The following LOXHD1 variants were observed in gnomAD, a reference collection of about 807,000 sequenced individuals.
The protein encoded by LOXHD1 is lipoxygenase homology PLAT domains 1.
In LOXHD1, 205 loss-of-function variants were observed where a neutral mutation model predicts 248.2. The ratio of observed to expected loss-of-function variants is 0.83; its 90% CI spans 0.74 to 0.93. The LOEUF is 0.93. LOXHD1 is among the 40% of genes least tolerant of loss of function. LOXHD1 has a pLI of 0.00. For synonymous variants in LOXHD1, 1,113 were observed against 1,162.8 expected, an observed-to-expected ratio of 0.96 and a Z score of 0.87; for missense variants, 2,930 against 2,971.6, an observed-to-expected ratio of 0.99 and a Z score of 0.33.
Position 46,518,251 on chromosome 18 carries a change from G to C in LOXHD1, c.5277C>G (p.Leu1759=). The C allele has an allele frequency of 6.4e-7, 1 of 1,551,534 alleles. No homozygotes were observed. The highest frequency in any genetic ancestry group is 8.7e-7 in the Non-Finnish European group (1 of 1,146,838). The change falls in exon 34 of 41, where the codon CTC becomes CTG. Residue 1759 remains leucine (L), a synonymous_variant. Transcript: ENST00000642948. The part of the protein sequence containing the change: ...AMVVNIGVKV[L]YEMTVWTGDV... ...CCCCTGTCCACACCGTCATTTCATA[G>C]AGAACCTGCCATGAGAGGAATGCAG...
chr18:46,611,549 T>G (rs1267959200), intron 5 of LOXHD1, among the ~76,000 whole-genome samples: 1 of 152,238 alleles, frequency 6.6e-6, no homozygotes, highest in Non-Finnish European at 1.5e-5. Flanking sequence ...CTTTCTGCTC[T>G]GCAATTTTCC....
At chr18:46,618,424 G>A (rs1038397227) in intron 4 of LOXHD1, 134 bp from the exon 5 acceptor site, 5 of 640,592 alleles carry the variant, frequency 7.8e-6, no homozygotes, top group Admixed American at 5.3e-5. Flanking sequence ...GTCAATAACA[G>A]AGCAAAAAAC....
At chr18:46,645,115 C>G (rs148787726) in intron 2 of LOXHD1, among the ~76,000 whole-genome samples, 1 of 152,204 alleles carries the variant, frequency 6.6e-6, no homozygotes, top group Non-Finnish European at 1.5e-5. Context: ...TGGGATCATC[C>G]CAAATAAGCC....
At chr18:46,521,383 T>G in intron 32 of LOXHD1, 101 bp from the exon 33 acceptor site, 1 of 1,333,836 alleles carries the variant, frequency 7.5e-7, no homozygotes, top group Non-Finnish European at 1.0e-6. Context: ...CAGTATGCTG[T>G]GCACTTGCTG....
Position 46,553,270 on chromosome 18 carries a change from G to A in LOXHD1, c.3350+4086C>T, listed in dbSNP as rs374348478. 1.8e-4 allele frequency among the ~76,000 whole-genome samples: 27 copies of A among 152,322 alleles called. 1 individual carries two copies. The highest frequency in any genetic ancestry group is 1.7e-3 in the East Asian group (9 of 5,194). ...ACTGGGATCAGGAAGGGTGCTGGGC[G>A]CCTAAACACATTTTCTCATCTAGTC... On this transcript the variant is annotated intron_variant, in intron 21 of 40. Transcript: ENST00000642948.
chr18:46,602,782 GAA>G (rs879579049), intron 7 of LOXHD1, among the ~76,000 whole-genome samples: 3 of 147,318 alleles, frequency 2.0e-5, no homozygotes, highest in Non-Finnish European at 4.5e-5. Context: ...CATTGCTCTA[GAA>G]AAAAAAAATA....
chr18:46,636,069 C>T (rs928922471), intron 4 of LOXHD1, among the ~76,000 whole-genome samples: 1 of 152,134 alleles, frequency 6.6e-6, no homozygotes, highest in South Asian at 2.1e-4. Context: ...AGAAATTGAA[C>T]TTGGTTCTAG....
intron 20 of LOXHD1, 94 bp from the exon 21 acceptor site, chr18:46,557,583 A>G (rs2037395629): frequency 3.4e-6 from 5 of 1,469,634 alleles, no homozygotes; most frequent in Non-Finnish European, 4.6e-6. Context: ...GCAGCCAGCC[A>G]GAGGCCAATG....
intron 12 of LOXHD1, among the ~76,000 whole-genome samples, chr18:46,582,217 C>A (rs967905909): frequency 6.6e-6 from 1 of 152,030 alleles, no homozygotes; most frequent in East Asian, 1.9e-4. Flanking sequence ...TATAGAGCTG[C>A]ACCACTAGTG....
chr18:46,560,066 C>CCCCCCCCCCCCCCCT lies in LOXHD1; in HGVS notation c.3061+16_3061+17insAGGGGGGGGGGGGGG. The CCCCCCCCCCCCCCCT allele has an allele frequency of 6.6e-7, 1 of 1,518,630 alleles. No homozygotes were observed. The highest frequency in any genetic ancestry group is 8.9e-7 in the Non-Finnish European group (1 of 1,119,624). The allele number at this position is 1,518,630 out of a possible 1,614,324, so 94.1% of individuals were successfully genotyped here. ...TGGCCACTCCCTCCCCACCCCCACC[C>CCCCCCCCCCCCCCCT]CCCACGACCCACTTACGCTCAGGAC... On this transcript the variant is annotated intron_variant, in intron 19 of 40. Coordinates refer to ENST00000642948, the MANE Select transcript of LOXHD1 (RefSeq NM_001384474.1).
At chr18:46,641,333 T>A (rs2038960689) in intron 3 of LOXHD1, among the ~76,000 whole-genome samples, 1 of 152,172 alleles carries the variant, frequency 6.6e-6, no homozygotes, top group African/African-American at 2.4e-5. Flanking sequence ...TAGGGGTGGA[T>A]GGCAGGGACT....
At chr18:46,488,809 A>C (rs1189981375) in intron 38 of LOXHD1, among the ~76,000 whole-genome samples, 163 bp downstream of exon 38, 3 of 152,196 alleles carry the variant, frequency 2.0e-5, no homozygotes, top group African/African-American at 7.2e-5. Context: ...AGTGTTTCTT[A>C]GCAGTTCCAG....
At chr18:46,523,239 G>A (rs918953018) in intron 31 of LOXHD1, among the ~76,000 whole-genome samples, 3 of 152,160 alleles carry the variant, frequency 2.0e-5, no homozygotes, top group Admixed American at 2.0e-4. Context: ...AAGCCACCAC[G>A]CCTGGCCAGG....
At position 46,542,333 on chromosome 18, in the gene LOXHD1, T is replaced by C. The variant is rs368911379; in HGVS notation, c.3749-393A>G. ...AAAGCTTTATAATCTTACCCAATGA[T>C]AGGAATGAAGCAATTGAATCAAAGG... On this transcript the variant is annotated intron_variant, in intron 24 of 40. Transcript: ENST00000642948. 3.9e-5 allele frequency among the ~76,000 whole-genome samples: 6 copies of C among 152,026 alleles called. No individual in the cohort carries two copies. In the East Asian group the frequency reaches 1.2e-3, roughly 29 times the overall value.
chr18:46,547,045 A>G lies in LOXHD1; in HGVS notation c.3364T>C (p.Cys1122Arg). 2 of 1,551,760 alleles carry G rather than the reference A, an allele frequency of 1.3e-6. No homozygotes were observed. The highest frequency in any genetic ancestry group is 1.7e-6 in the Non-Finnish European group (2 of 1,146,992). ...TCCTCCACTGCCAGCCAACGTTGGCATGGAAAGTAGTACCTGTGGGGGTGG... is the reference window on the plus strand; with the variant it reads ...TCCTCCACTGCCAGCCAACGTTGGCGTGGAAAGTAGTACCTGTGGGGGTGG... ...MNNEITYYFPCQRWLAVEEDD... is the reference protein window; with the variant it reads ...MNNEITYYFPRQRWLAVEEDD... Residue 1122 changes from cysteine to arginine, a missense_variant, in exon 22 of 41, where the codon TGC becomes CGC. Physicochemically the swap from Cys to Arg is radical, Grantham distance 180 (BLOSUM62 -3). Coordinates refer to ENST00000642948, the MANE Select transcript of LOXHD1 (RefSeq NM_001384474.1).
chr18:46,617,160 G>T (rs906357092), intron 5 of LOXHD1, among the ~76,000 whole-genome samples: 16 of 152,180 alleles, frequency 1.1e-4, no homozygotes, highest in Non-Finnish European at 5.9e-5. Flanking sequence ...CACACTTGTA[G>T]TGTTAAATCA....
chr18:46,560,389 CCTT>C lies in LOXHD1; in HGVS notation c.2752_2754del (p.Lys918del), dbSNP rs1004302438. On this transcript the variant is annotated inframe_deletion, in exon 19 of 41. Transcript: ENST00000642948. ...AGCAGCTGCCGCAGCTTGTCCTTCT[CCTT>C]CTTCTTCCGGGCCTCCTCCTCCGGC... 2.6e-6 allele frequency: 4 copies of C among 1,551,772 alleles called. No homozygotes were observed. Among genetic ancestry groups the C allele is most frequent in the Non-Finnish European group, 3.5e-6 (4 of 1,147,990 alleles).
intron 26 of LOXHD1, among the ~76,000 whole-genome samples, chr18:46,535,596 G>A (rs1185874250): frequency 4.6e-5 from 7 of 151,900 alleles, no homozygotes; most frequent in Non-Finnish European, 7.4e-5. Flanking sequence ...TGTTGTTGTT[G>A]TTGTTGTTGT....
At chr18:46,550,435 C>T (rs985365979) in intron 21 of LOXHD1, among the ~76,000 whole-genome samples, 8 of 151,132 alleles carry the variant, frequency 5.3e-5, no homozygotes, top group East Asian at 1.9e-4. Context: ...TAGCCGGGCG[C>T]GGTGGCGGGC....
Sources: gnomAD v4.1 joint callset for allele counts (sites outside exome capture counted in the v4.1 genomes callset) on GRCh38, gnomAD v4.1.1 for gene constraint, MANE v1.5 for transcripts, NCBI Gene and HGNC (gene_info 2026-07-23, HGNC 2026-07-21) for gene names.